The following PALLD variants were observed in gnomAD, a reference collection of about 807,000 sequenced individuals.
PALLD encodes palladin, cytoskeletal associated protein.
A neutral mutation model predicts 123.5 loss-of-function variants in PALLD; 61 were observed. That is an observed-to-expected ratio of 0.49 (90% CI 0.40 to 0.61). The LOEUF (loss-of-function observed/expected upper bound fraction) is 0.61. Among genes scored for constraint, PALLD ranks in the 20% least tolerant of loss-of-function variants. PALLD has a pLI of 0.00. For missense variants in PALLD, 1,273 were observed against 1,377.0 expected (o/e 0.92, Z 1.20); for synonymous variants, 465 against 496.4 (o/e 0.94, Z 0.84).
At chr4:168,670,933 G>A (rs1292371448) in intron 3 of PALLD, among the ~76,000 whole-genome samples, 1 of 151,402 alleles carries the variant, frequency 6.6e-6, no homozygotes, top group African/African-American at 2.4e-5. Context: ...AGGCATGATG[G>A]CAGGCAGCTG....
rs1746570882 is a variant in PALLD, at chr4:168,844,813, T to C, written c.1965-46109T>C. ...CAGTATCATTTATTCAGCAAACATG[T>C]ACTGAGTTTGTTTTGTGCTCAGCAT... On this transcript the variant is annotated intron_variant, in intron 10 of 21. Coordinates refer to ENST00000505667, the MANE Select transcript of PALLD (RefSeq NM_001166108.2). The surrounding 1 kb of genome is among the most constrained non-coding windows in gnomAD (Gnocchi z 4.5). 6.6e-6 allele frequency: 1 copy of C among 152,226 alleles called. No homozygotes were observed. Among genetic ancestry groups the C allele is most frequent in the African/African-American group, 2.4e-5 (1 of 41,452 alleles). The allele number at this position is 152,226 out of a possible 1,614,324, so 9.4% of individuals were successfully genotyped here. A position where few individuals can be genotyped will look rare whatever the true frequency, so the allele number is the denominator to read the frequency against.
chr4:168,518,269 G>A (rs1015156888), intron 2 of PALLD, among the ~76,000 whole-genome samples: 1 of 152,252 alleles, frequency 6.6e-6, no homozygotes, highest in East Asian at 1.9e-4. Flanking sequence ...ACCATCATCT[G>A]TCTCTTTGTT....
At chr4:168,501,834 G>A (rs1432166533) in intron 1 of PALLD, among the ~76,000 whole-genome samples, 1 of 152,170 alleles carries the variant, frequency 6.6e-6, no homozygotes, top group Non-Finnish European at 1.5e-5. Context: ...CTGTAGATGT[G>A]AACATTAACA....
At chr4:168,516,479 G>C (rs761318491) in intron 2 of PALLD, among the ~76,000 whole-genome samples, 12 of 151,926 alleles carry the variant, frequency 7.9e-5, no homozygotes, top group Non-Finnish European at 1.8e-4. Flanking sequence ...ATTTTTAAAG[G>C]TATTATTTAT....
chr4:168,625,510 T>TATATATATATATAGATAGATAG (rs1775169660), intron 2 of PALLD, among the ~76,000 whole-genome samples: 2 of 65,100 alleles, frequency 3.1e-5, no homozygotes, highest in Non-Finnish European at 8.1e-5. Context: ...GAGATATATA[T>TATATATATATATAGATAGATAG]ATATATATCC....
At chr4:168,760,349 C>G (rs1053380207) in intron 10 of PALLD, among the ~76,000 whole-genome samples, 1 of 152,094 alleles carries the variant, frequency 6.6e-6, no homozygotes, top group Non-Finnish European at 1.5e-5. Flanking sequence ...CACAGCCAGC[C>G]CCTTGGTTAC....
At chr4:168,898,457 G>T (rs1560880826) in intron 13 of PALLD, 36 bp from the exon 14 acceptor site, 19 of 1,326,454 alleles carry the variant, frequency 1.4e-5, no homozygotes, top group Non-Finnish European at 1.7e-5. Context: ...TGTCAGAAGG[G>T]ATTGAGTCTG....
Position 168,864,150 on chromosome 4 carries a change from G to A in PALLD, c.1965-26772G>A, listed in dbSNP as rs1210813125. ...ACACATACACATGAGAGATGAGACT[G>A]TGTTACTCAGACATAGAACCACGGG... On this transcript the variant is annotated intron_variant, in intron 10 of 21. Transcript: ENST00000505667. 3.3e-5 allele frequency among the ~76,000 whole-genome samples: 5 copies of A among 152,196 alleles called. No individual in the cohort carries two copies. In the East Asian group the frequency reaches 9.6e-4, roughly 29 times the overall value.
intron 10 of PALLD, among the ~76,000 whole-genome samples, chr4:168,858,957 C>T (rs1013615286): frequency 1.6e-4 from 25 of 152,092 alleles, no homozygotes; most frequent in Admixed American, 1.1e-3. Flanking sequence ...TAAAAATAGT[C>T]GGTGCGTCTT....
At chr4:168,814,144 C>G (rs963792482) in intron 10 of PALLD, among the ~76,000 whole-genome samples, 6 of 152,176 alleles carry the variant, frequency 3.9e-5, no homozygotes, top group African/African-American at 4.8e-5. Flanking sequence ...AAGTTTGAGA[C>G]TGATCCCAAG....
intron 10 of PALLD, among the ~76,000 whole-genome samples, chr4:168,874,927 C>T (rs530309352): frequency 2.3e-4 from 35 of 151,424 alleles, no homozygotes; most frequent in East Asian, 2.1e-3. Flanking sequence ...TGGAGGAGAG[C>T]GGGGAAAAAA....
At chr4:168,825,638 G>T (rs1467497883) in intron 10 of PALLD, among the ~76,000 whole-genome samples, 1 of 152,168 alleles carries the variant, frequency 6.6e-6, no homozygotes, top group African/African-American at 2.4e-5. Context: ...CCTATGTATA[G>T]CCTGTCGGAG....
intron 1 of PALLD, among the ~76,000 whole-genome samples, chr4:168,509,339 A>T (rs1762314774): frequency 6.6e-6 from 1 of 152,206 alleles, no homozygotes; most frequent in Admixed American, 6.5e-5. Flanking sequence ...TCTCCTTTGA[A>T]ATAATTGTAA....
intron 10 of PALLD, among the ~76,000 whole-genome samples, chr4:168,840,866 T>A (rs111725877): frequency 2.6e-5 from 4 of 152,280 alleles, no homozygotes; most frequent in East Asian, 1.9e-4. Context: ...TTATTTATTT[T>A]TTGAGACCAA....
chr4:168,683,894 A>G (rs1781782845), intron 5 of PALLD, among the ~76,000 whole-genome samples: 1 of 152,198 alleles, frequency 6.6e-6, no homozygotes, highest in Non-Finnish European at 1.5e-5. Context: ...ATAGAGGCCA[A>G]TAGGTGCTAT....
chr4:168,901,801 T>C (rs28667036), intron 14 of PALLD, among the ~76,000 whole-genome samples: 1,713 of 152,220 alleles, frequency 0.011, 47 homozygotes, highest in African/African-American at 0.039. Flanking sequence ...GAAATTGCAG[T>C]GAGCCAAGAT....
chr4:168,668,137 A>G (rs1779834721), intron 2 of PALLD, 53 bp from the exon 3 acceptor site: 1 of 1,405,418 alleles, frequency 7.1e-7, no homozygotes, highest in Non-Finnish European at 1.0e-6. Context: ...TGTTTTAAAC[A>G]TCACCATTTC....
At chr4:168,499,222 A>AGGGAGACGG (rs1228093476) in intron 1 of PALLD, among the ~76,000 whole-genome samples, 1 of 129,990 alleles carries the variant, frequency 7.7e-6, no homozygotes, top group Non-Finnish European at 1.6e-5. Flanking sequence ...GAAGAAAGAA[A>AGGGAGACGG]GGGAGACGGG....
chr4:168,884,536 C>T (rs569785303), intron 10 of PALLD, among the ~76,000 whole-genome samples: 1 of 152,232 alleles, frequency 6.6e-6, no homozygotes, highest in Non-Finnish European at 1.5e-5. Flanking sequence ...GCTCATACTT[C>T]TGTCCTTTCA....
Sources: gnomAD v4.1 joint callset for allele counts (sites outside exome capture counted in the v4.1 genomes callset) on GRCh38, gnomAD v4.1.1 for gene constraint, Gnocchi (gnomAD v3.1) non-coding constraint, MANE v1.5 for transcripts, NCBI Gene and HGNC (gene_info 2026-07-23, HGNC 2026-07-21) for gene names.